The following CTNNA1 variants were observed in gnomAD, a reference collection of about 807,000 sequenced individuals.
The protein encoded by CTNNA1 is catenin alpha-1.
Under a neutral mutation model 98.4 loss-of-function variants are expected in CTNNA1, and 37 were observed. The observed-to-expected ratio is 0.38, with a 90% CI of 0.29 to 0.49. The LOEUF (loss-of-function observed/expected upper bound fraction) is 0.49. CTNNA1 is among the 20% of genes least tolerant of loss of function. The pLI is 0.95. For synonymous variants in CTNNA1, 404 were observed against 413.2 expected (o/e 0.98, Z 0.27); for missense variants, 761 against 1,147.2 (o/e 0.66, Z 4.86).
intron 11 of CTNNA1, among the ~76,000 whole-genome samples, chr5:138,920,956 C>CG (rs1243444732): frequency 1.3e-5 from 2 of 151,912 alleles, no homozygotes; most frequent in African/African-American, 4.8e-5. Flanking sequence ...GGCTGTAGGG[C>CG]GGGGGGAACT....
chr5:138,778,101 C>G (rs1193270632), intron 1 of CTNNA1, among the ~76,000 whole-genome samples: 1 of 148,072 alleles, frequency 6.8e-6, no homozygotes, highest in Non-Finnish European at 1.5e-5. Context: ...TCATGCCATT[C>G]TCCTGCCTCA....
chr5:138,791,576 C>T (rs938315916), intron 3 of CTNNA1, among the ~76,000 whole-genome samples: 4 of 120,160 alleles, frequency 3.3e-5, no homozygotes, highest in African/African-American at 1.3e-4. Flanking sequence ...GAGATTGCAC[C>T]GCTGTGCTCC....
chr5:138,758,133 A>G (rs1410603557), intron 1 of CTNNA1, among the ~76,000 whole-genome samples: 3 of 151,834 alleles, frequency 2.0e-5, no homozygotes, highest in Non-Finnish European at 4.4e-5. Flanking sequence ...CAGCCTCCCA[A>G]GTAGCTGGGA....
At chr5:138,927,644 G>A (rs1387503469) in intron 13 of CTNNA1, among the ~76,000 whole-genome samples, 1 of 152,080 alleles carries the variant, frequency 6.6e-6, no homozygotes, top group Non-Finnish European at 1.5e-5. Context: ...TAGAATATGC[G>A]AGAGGAATTT....
At chr5:138,844,279 A>T (rs1197272882) in intron 7 of CTNNA1, among the ~76,000 whole-genome samples, 1 of 152,110 alleles carries the variant, frequency 6.6e-6, no homozygotes, top group Non-Finnish European at 1.5e-5. Context: ...TATAGACACA[A>T]GCCACCGCAC....
At chr5:138,779,266 A>G (rs1339298306) in intron 1 of CTNNA1, among the ~76,000 whole-genome samples, 1 of 152,128 alleles carries the variant, frequency 6.6e-6, no homozygotes, top group Non-Finnish European at 1.5e-5. Context: ...GTCATTTTCT[A>G]ATTCTATTCT....
chr5:138,811,991 T>G (rs1439916904), intron 4 of CTNNA1, 192 bp from the exon 5 acceptor site: 3 of 508,282 alleles, frequency 5.9e-6, no homozygotes, highest in African/African-American at 2.0e-5. Flanking sequence ...AGGCCAATAT[T>G]AGTGTTTTTC....
intron 3 of CTNNA1, among the ~76,000 whole-genome samples, chr5:138,806,338 C>T (rs1169204156): frequency 6.6e-6 from 1 of 151,520 alleles, no homozygotes; most frequent in African/African-American, 2.4e-5. Flanking sequence ...CTGCTGTCCA[C>T]AGTCTCGAGG....
At chr5:138,877,044 T>TA (rs1048893840) in intron 7 of CTNNA1, among the ~76,000 whole-genome samples, 1 of 152,360 alleles carries the variant, frequency 6.6e-6, no homozygotes, top group African/African-American at 2.4e-5. Flanking sequence ...TTGTGGTTCT[T>TA]AGACACATTT....
chr5:138,909,351 T>TC (rs1255131077), intron 10 of CTNNA1, among the ~76,000 whole-genome samples: 217 of 147,814 alleles, frequency 1.5e-3, no homozygotes, highest in Non-Finnish European at 1.8e-3. Context: ...TTTTCTTTCC[T>TC]CCCCCCCCAC....
chr5:138,848,232 G>A (rs1430714471), intron 7 of CTNNA1, among the ~76,000 whole-genome samples: 1 of 152,234 alleles, frequency 6.6e-6, no homozygotes, highest in Admixed American at 6.5e-5. Context: ...TTCCTCAACT[G>A]GGAACTGGGG....
chr5:138,757,374 T>A (rs867087009), intron 1 of CTNNA1, among the ~76,000 whole-genome samples: 3 of 152,124 alleles, frequency 2.0e-5, no homozygotes, highest in Admixed American at 6.6e-5. Context: ...GTAATGCCGC[T>A]GAGGCATACA....
At chr5:138,872,922 C>T in intron 7 of CTNNA1, 1 of 939,956 alleles carries the variant, frequency 1.1e-6, no homozygotes, top group South Asian at 2.4e-5. Context: ...GGCTTAATGT[C>T]ACCATTGGTA....
chr5:138,873,982 CA>C lies in CTNNA1; in HGVS notation c.1063-12227del. ...CAAATCCATTGCGAGCCAAACTTCG[CA>C]AACGATTTGTGCTCAAATCCAGAAA... On this transcript the variant is annotated intron_variant, in intron 7 of 17. Coordinates refer to ENST00000302763, the MANE Select transcript of CTNNA1 (RefSeq NM_001903.5). This position sits in a 1 kb window ranked among gnomAD's most constrained non-coding sequence, Gnocchi z 6.1. The C allele has an allele frequency of 6.2e-7, 1 of 1,614,018 alleles. No individual in the cohort carries two copies. The highest frequency in any genetic ancestry group is 8.5e-7 in the Non-Finnish European group (1 of 1,179,894).
chr5:138,755,673 G>A (rs747513856), intron 1 of CTNNA1, among the ~76,000 whole-genome samples: 43 of 152,150 alleles, frequency 2.8e-4, no homozygotes, highest in Non-Finnish European at 5.7e-4. Flanking sequence ...AAGCCTTTGA[G>A]TGCAGGTGTG....
intron 7 of CTNNA1, among the ~76,000 whole-genome samples, chr5:138,830,356 T>C (rs1004882679): frequency 2.6e-5 from 4 of 152,202 alleles, no homozygotes; most frequent in African/African-American, 9.6e-5. Context: ...AGCGAGATTC[T>C]GTCTCAAAAA....
chr5:138,792,852 A>T (rs1756528044), intron 3 of CTNNA1, among the ~76,000 whole-genome samples: 2 of 152,240 alleles, frequency 1.3e-5, no homozygotes. Flanking sequence ...TTTTCAGATT[A>T]GTACAATAAC....
At chr5:138,789,795 G>T (rs1756151990) in intron 3 of CTNNA1, among the ~76,000 whole-genome samples, 1 of 152,204 alleles carries the variant, frequency 6.6e-6, no homozygotes, top group South Asian at 2.1e-4. Flanking sequence ...TATTTAGAGG[G>T]TGGCTTGGAA....
chr5:138,761,416 T>C (rs1389535739), intron 1 of CTNNA1, among the ~76,000 whole-genome samples: 1 of 152,164 alleles, frequency 6.6e-6, no homozygotes, highest in African/African-American at 2.4e-5. Flanking sequence ...TTTGTACTTT[T>C]AGTAGAGACG....
Sources: gnomAD v4.1 joint callset for allele counts (sites outside exome capture counted in the v4.1 genomes callset) on GRCh38, gnomAD v4.1.1 for gene constraint, Gnocchi (gnomAD v3.1) non-coding constraint, MANE v1.5 for transcripts, NCBI Gene and HGNC (gene_info 2026-07-23, HGNC 2026-07-21) for gene names.